Variants in GRAMD1C observed in about 807,000 individuals in gnomAD.
The protein encoded by GRAMD1C is protein Aster-C.
Under a neutral mutation model 97.8 loss-of-function variants are expected in GRAMD1C, and 89 were observed. The observed-to-expected ratio is 0.91, with a 90% CI of 0.77 to 1.09. The LOEUF is 1.09. Ranked by LOEUF, GRAMD1C falls within the 50% of genes least tolerant of loss-of-function variation. The pLI, the probability that GRAMD1C is intolerant of heterozygous loss-of-function variation, is 0.00. For missense variants in GRAMD1C, 740 were observed against 766.4 expected, an observed-to-expected ratio of 0.97 and a Z score of 0.41; for synonymous variants, 256 against 267.0, an observed-to-expected ratio of 0.96 and a Z score of 0.40.
chr3:113,885,460 T>C (rs777058183), intron 6 of GRAMD1C: 8 of 1,587,530 alleles, frequency 5.0e-6, no homozygotes, highest in African/African-American at 4.0e-5. Context: ...GTCCCGGAAT[T>C]GGCTAGCCCA....
intron 3 of GRAMD1C, among the ~76,000 whole-genome samples, chr3:113,871,004 CACACACACACACACACACAG>C (rs1415631586): frequency 0.011 from 1,144 of 103,012 alleles, 20 homozygotes; most frequent in African/African-American, 0.036. Flanking sequence ...CACACACACA[CACACACACACACACACACAG>C]AGGAATATTA....
intron 1 of GRAMD1C, among the ~76,000 whole-genome samples, chr3:113,843,448 C>T (rs1933460157): frequency 2.6e-5 from 1 of 38,436 alleles, no homozygotes; most frequent in Non-Finnish European, 7.1e-5. Flanking sequence ...TTTTAACTGC[C>T]TGATGAGTGA....
At chr3:113,883,407 C>T (rs1352928384) in intron 6 of GRAMD1C, among the ~76,000 whole-genome samples, 1 of 151,980 alleles carries the variant, frequency 6.6e-6, no homozygotes, top group South Asian at 2.1e-4. Flanking sequence ...TACCTGTAGT[C>T]CCAGCTACTT....
intron 2 of GRAMD1C, among the ~76,000 whole-genome samples, chr3:113,867,900 A>G (rs1291254256): frequency 6.6e-6 from 1 of 151,878 alleles, no homozygotes; most frequent in South Asian, 2.1e-4. Flanking sequence ...TTTCCTTCTG[A>G]TACTCCCATC....
chr3:113,904,345 GATACAGT>G, intron 8 of GRAMD1C, 73 bp downstream of exon 8: 1 of 1,050,226 alleles, frequency 9.5e-7, no homozygotes. Context: ...GATAAATAAG[GATACAGT>G]ATACAAAATG....
chr3:113,909,540 G>A (rs1936489976), intron 9 of GRAMD1C, among the ~76,000 whole-genome samples: 1 of 152,134 alleles, frequency 6.6e-6, no homozygotes, highest in Non-Finnish European at 1.5e-5. Flanking sequence ...CAGAACTTGA[G>A]TTAATGACCA....
At position 113,887,085 on chromosome 3, in the gene GRAMD1C, G is replaced by GTTTTTTTTTTT. The variant is rs531763397; in HGVS notation, c.540+4263_540+4264insTTTTTTTTTTT. Among the ~76,000 whole-genome samples, 27 of 71,444 alleles carry GTTTTTTTTTTT rather than the reference G, an allele frequency of 3.8e-4. 4 individuals carry two copies. Among genetic ancestry groups the GTTTTTTTTTTT allele is most frequent in the African/African-American group, 7.2e-4 (16 of 22,182 alleles). 46.9% of individuals were successfully genotyped at this position (71,444 alleles called of 152,430 possible). On this transcript the variant is annotated intron_variant, in intron 6 of 17. Transcript: ENST00000358160. ...ATGAGCCACTGCGCCTGGCCTTTTT[G>GTTTTTTTTTTT]TTTTTTTTTTGTTTTTTTTTTTTTT...
At chr3:113,918,817 T>C (rs977877516) in intron 10 of GRAMD1C, among the ~76,000 whole-genome samples, 1 of 152,140 alleles carries the variant, frequency 6.6e-6, no homozygotes, top group Admixed American at 6.6e-5. Flanking sequence ...TACCTCAGCC[T>C]CAGTTGCTGG....
chr3:113,885,226 G>C, intron 6 of GRAMD1C: 1 of 886,166 alleles, frequency 1.1e-6, no homozygotes, highest in Admixed American at 2.3e-5. Context: ...CCTTCGGCGG[G>C]GGTTGCCCCC....
intron 9 of GRAMD1C, chr3:113,913,205 T>A: frequency 1.6e-6 from 1 of 633,838 alleles, no homozygotes; most frequent in East Asian, 6.7e-5. Flanking sequence ...CTTTCTCACC[T>A]GCTTCTTTTA....
chr3:113,833,996 T>C (rs771615228), upstream of GRAMD1C, among the ~76,000 whole-genome samples: 1 of 152,178 alleles, frequency 6.6e-6, no homozygotes, highest in South Asian at 2.1e-4. Context: ...CAGTCCTTTA[T>C]TGATGATGAT....
chr3:113,940,525 GTTTA>G (rs944016396), intron 17 of GRAMD1C, among the ~76,000 whole-genome samples, 180 bp downstream of exon 17: 6 of 151,962 alleles, frequency 3.9e-5, no homozygotes, highest in Non-Finnish European at 8.8e-5. Context: ...AGTCACTTTT[GTTTA>G]TTTATTTATT....
intron 2 of GRAMD1C, among the ~76,000 whole-genome samples, chr3:113,866,237 C>T (rs562328434): frequency 6.6e-6 from 1 of 152,262 alleles, no homozygotes. Flanking sequence ...TTGCTTCATG[C>T]ATTTTGGGGT....
At chr3:113,886,051 T>TG in intron 6 of GRAMD1C, 1 of 688,638 alleles carries the variant, frequency 1.5e-6, no homozygotes, top group Admixed American at 5.7e-5. Context: ...CCCCTCCACT[T>TG]GGGTTGGGGT....
chr3:113,942,829 T>G (rs914161340), intron 17 of GRAMD1C, among the ~76,000 whole-genome samples: 2 of 152,208 alleles, frequency 1.3e-5, no homozygotes, highest in Non-Finnish European at 2.9e-5. Flanking sequence ...CCTTTGGCTC[T>G]TCCTCTTTAT....
chr3:113,934,358 T>G, intron 12 of GRAMD1C, 74 bp from the exon 13 acceptor site: 2 of 736,040 alleles, frequency 2.7e-6, no homozygotes, highest in Non-Finnish European at 4.7e-6. Flanking sequence ...AATACAATCT[T>G]ACATTTAACT....
chr3:113,917,195 T>C (rs1296555641), intron 10 of GRAMD1C, among the ~76,000 whole-genome samples: 1 of 146,302 alleles, frequency 6.8e-6, no homozygotes, highest in Non-Finnish European at 1.5e-5. Flanking sequence ...TAAATGTTTT[T>C]GATATTTTAT....
rs377023328 is a variant in GRAMD1C at position 113,934,420 on chromosome 3, T to C, written c.1353-12T>C. 2.1e-4 allele frequency: 247 copies of C among 1,191,882 alleles called. 3 individuals are homozygous for C. The South Asian group carries it at 2.8e-3, about 14-fold the overall frequency. 73.8% of individuals were successfully genotyped at this position (1,191,882 alleles called of 1,614,324 possible). A position where few individuals can be genotyped will look rare whatever the true frequency, so the allele number is the denominator to read the frequency against. On this transcript the variant is annotated splice_polypyrimidine_tract_variant and intron_variant, in intron 12 of 17. Transcript: ENST00000358160. ...TCTTTAAATAAATATTCTTTCCTTC[T>C]TATTCTACTAGAGTTTCCACAGATT...
At chr3:113,871,904 G>A (rs1046907658) in intron 3 of GRAMD1C, among the ~76,000 whole-genome samples, 4 of 152,110 alleles carry the variant, frequency 2.6e-5, no homozygotes, top group Admixed American at 6.6e-5. Context: ...TCATGCCAGT[G>A]CACTCCAGCC....
Sources: allele counts gnomAD v4.1 joint callset (sites outside exome capture counted in the v4.1 genomes callset), GRCh38; gene constraint gnomAD v4.1.1; transcripts MANE v1.5; gene names NCBI Gene and HGNC (gene_info 2026-07-23, HGNC 2026-07-21).